Variants in NXPE2 observed in about 807,000 individuals in gnomAD.
NXPE2 encodes neurexophilin and PC-esterase domain family member 2.
NXPE2 carries 34 observed loss-of-function variants against 34.4 expected under a neutral mutation model. That is an observed-to-expected ratio of 0.99 (90% CI 0.75 to 1.31). The LOEUF (loss-of-function observed/expected upper bound fraction) is 1.31. Among genes scored for constraint, NXPE2 ranks in the 40% most tolerant of loss-of-function variants. NXPE2 has a pLI of 0.00. For missense variants in NXPE2, 649 were observed against 672.5 expected (o/e 0.97, Z 0.39); for synonymous variants, 235 against 231.3 (o/e 1.02, Z -0.15).
At chr11:114,799,113 T>C in the NXPE2 span, among the ~76,000 whole-genome samples, 25 of 152,320 alleles carry the variant, frequency 1.6e-4, no homozygotes, top group East Asian at 4.8e-3. Flanking sequence ...TTTTTATTTT[T>C]CTACCTAAGG....
chr11:114,490,449 C>T, the NXPE2 span, among the ~76,000 whole-genome samples: 2 of 152,164 alleles, frequency 1.3e-5, no homozygotes, highest in East Asian at 3.9e-4. Context: ...TGACTTAAAG[C>T]TATACTACAA....
At chr11:114,539,875 C>G in the NXPE2 span, among the ~76,000 whole-genome samples, 1 of 151,946 alleles carries the variant, frequency 6.6e-6, no homozygotes, top group African/African-American at 2.4e-5. Context: ...TAAATTGTAT[C>G]AAGAAAATGG....
At chr11:114,591,298 C>T in the NXPE2 span, among the ~76,000 whole-genome samples, 8 of 152,186 alleles carry the variant, frequency 5.3e-5, no homozygotes, top group East Asian at 3.8e-4. Flanking sequence ...CTTAATTCTC[C>T]ATGCTCATGC....
chr11:114,679,872 G>C, intron 2 of NXPE2, 110 bp downstream of exon 2: 1 of 639,294 alleles, frequency 1.6e-6, no homozygotes, highest in East Asian at 2.7e-5. Context: ...ATCTTAGCAG[G>C]AGAATGTGGA....
the NXPE2 span, among the ~76,000 whole-genome samples, chr11:114,776,486 G>A: frequency 2.0e-5 from 3 of 152,216 alleles, no homozygotes; most frequent in South Asian, 2.1e-4. Flanking sequence ...AGTGCTCTCC[G>A]AGGGCAGCGG....
the NXPE2 span, among the ~76,000 whole-genome samples, chr11:114,653,059 A>G: frequency 2.6e-5 from 4 of 152,318 alleles, no homozygotes; most frequent in African/African-American, 9.6e-5. Flanking sequence ...TATTCCATTG[A>G]GCCTTGTGCC....
the NXPE2 span, chr11:114,580,405 C>A: frequency 7.2e-7 from 1 of 1,380,552 alleles, no homozygotes; most frequent in Non-Finnish European, 1.0e-6. Context: ...GTATTAAGAG[C>A]CTTCTATCCT....
chr11:114,571,221 G>C, the NXPE2 span: 3 of 1,613,784 alleles, frequency 1.9e-6, no homozygotes, highest in East Asian at 6.7e-5. Flanking sequence ...GACATTGAGG[G>C]CCCTTCGGAT....
At chr11:114,752,430 A>C in the NXPE2 span, among the ~76,000 whole-genome samples, 1 of 152,354 alleles carries the variant, frequency 6.6e-6, no homozygotes, top group South Asian at 2.1e-4. Flanking sequence ...CTTATATTTA[A>C]AAGTAATCAC....
chr11:114,530,494 A>T, the NXPE2 span: 2 of 1,613,994 alleles, frequency 1.2e-6, no homozygotes, highest in Non-Finnish European at 1.7e-6. Context: ...TGGCCCTCCC[A>T]GAACAGAGTG....
At chr11:114,497,621 GGT>G in the NXPE2 span, among the ~76,000 whole-genome samples, 1 of 152,188 alleles carries the variant, frequency 6.6e-6, no homozygotes, top group African/African-American at 2.4e-5. Flanking sequence ...ATATAGCCTA[GGT>G]GTGTGGTAGG....
At chr11:114,475,913 C>T in the NXPE2 span, among the ~76,000 whole-genome samples, 1 of 152,186 alleles carries the variant, frequency 6.6e-6, no homozygotes, top group South Asian at 2.1e-4. Context: ...AACACACACA[C>T]ACAGTAGCCA....
the NXPE2 span, among the ~76,000 whole-genome samples, chr11:114,649,712 A>G: frequency 6.6e-6 from 1 of 152,200 alleles, no homozygotes; most frequent in Admixed American, 6.5e-5. Flanking sequence ...AAATGATCAT[A>G]GGAGTCCAAG....
chr11:114,790,081 T>C, the NXPE2 span, among the ~76,000 whole-genome samples: 1 of 152,200 alleles, frequency 6.6e-6, no homozygotes, highest in Non-Finnish European at 1.5e-5. Flanking sequence ...TAAGCCCTGC[T>C]GCTCCCTGTG....
chr11:114,539,027 A>G, the NXPE2 span, among the ~76,000 whole-genome samples: 1 of 152,180 alleles, frequency 6.6e-6, no homozygotes, highest in South Asian at 2.1e-4. Flanking sequence ...AAGACTTGGA[A>G]CCAACCCAAA....
At chr11:114,620,832 T>C in the NXPE2 span, among the ~76,000 whole-genome samples, 6 of 152,046 alleles carry the variant, frequency 3.9e-5, no homozygotes, top group Non-Finnish European at 8.8e-5. Flanking sequence ...CTGTGTCTAA[T>C]AAGTGTTGCC....
At chr11:114,636,930 G>T in the NXPE2 span, among the ~76,000 whole-genome samples, 2 of 152,236 alleles carry the variant, frequency 1.3e-5, no homozygotes, top group Admixed American at 1.3e-4. Flanking sequence ...TGAAAAAAAT[G>T]TATATTCTGT....
chr11:114,755,668 T>G, the NXPE2 span, among the ~76,000 whole-genome samples: 1 of 148,634 alleles, frequency 6.7e-6, no homozygotes, highest in African/African-American at 2.6e-5. Context: ...ATCCATCCAT[T>G]TATCTATCTA....
chr11:114,553,480 A>C, the NXPE2 span, among the ~76,000 whole-genome samples: 1 of 152,178 alleles, frequency 6.6e-6, no homozygotes, highest in South Asian at 2.1e-4. Context: ...GTGGCCAGAG[A>C]GCTTCTTTGT....
Sources: gnomAD v4.1 joint callset for allele counts (sites outside exome capture counted in the v4.1 genomes callset) on GRCh38, gnomAD v4.1.1 for gene constraint, MANE v1.5 for transcripts, NCBI Gene and HGNC (gene_info 2026-07-23, HGNC 2026-07-21) for gene names.